VASN: variants seen among roughly 807,000 people sequenced by gnomAD.
VASN encodes the protein vasorin, also known as protein slit-like 2.
A neutral mutation model predicts 4.8 loss-of-function variants in VASN; 5 were observed. The ratio of observed to expected loss-of-function variants is 1.03; its 90% CI spans 0.54 to 2.17. The LOEUF (loss-of-function observed/expected upper bound fraction) is 2.17, where lower values mean the gene tolerates loss of function less well. Among genes scored for constraint, VASN ranks in the 30% most tolerant of loss-of-function variants. The pLI is 0.01. For synonymous variants in VASN, 499 were observed against 460.8 expected (o/e 1.08, Z -1.06); for missense variants, 927 against 948.8 (o/e 0.98, Z 0.30).
chr16:4,380,888 G>C lies in VASN; in HGVS notation c.11G>C (p.Arg4Thr), dbSNP rs917375545. 5 of 1,535,550 alleles carry C rather than the reference G, an allele frequency of 3.3e-6. No individual in the cohort carries two copies. Among genetic ancestry groups the C allele is most frequent in the Non-Finnish European group, 4.4e-6 (5 of 1,148,220 alleles). Residue 4 changes from arginine to threonine, a missense_variant, in exon 2 of 2, where the codon AGG becomes ACG. Transcript: ENST00000304735. ...TCCCAGGGACAGAAGATGTGCTCCAGGGTCCCTCTGCTGCTGCCGCTGCTC... is the reference window on the plus strand; with the variant it reads ...TCCCAGGGACAGAAGATGTGCTCCACGGTCCCTCTGCTGCTGCCGCTGCTC... MCS[R>T]VPLLLPLLLL...
chr16:4,373,784 C>T (rs2054617794), intron 1 of VASN, among the ~76,000 whole-genome samples: 1 of 152,136 alleles, frequency 6.6e-6, no homozygotes, highest in African/African-American at 2.4e-5. Flanking sequence ...CAGGGCCCTG[C>T]TGAGCCCAGG....
chr16:4,376,188 C>T (rs184654212), intron 1 of VASN, among the ~76,000 whole-genome samples: 69 of 152,336 alleles, frequency 4.5e-4, no homozygotes, highest in African/African-American at 1.3e-3. Context: ...ACCTCTCTGC[C>T]CTGCCCTTGG....
In VASN at chr16:4,382,390, G is replaced by A. The variant is rs535693665; in HGVS notation, c.1513G>A (p.Asp505Asn). The A allele has an allele frequency of 1.2e-6, 2 of 1,612,124 alleles. No individual in the cohort carries two copies. The highest frequency in any genetic ancestry group is 2.7e-5 in the African/African-American group (2 of 74,942). ...RLTYRNLSGP[D>N]KRLVTLRLPA... ...CACCTATCGCAACCTATCGGGCCCT[G>A]ATAAGCGGCTGGTGACGCTGCGACT... The change falls in exon 2 of 2, where the codon GAT becomes AAT. Residue 505 changes from aspartate to asparagine, a missense_variant. Transcript: ENST00000304735.
chr16:4,372,962 G>C (rs1042835941), intron 1 of VASN, among the ~76,000 whole-genome samples: 2 of 152,182 alleles, frequency 1.3e-5, no homozygotes, highest in Non-Finnish European at 2.9e-5. Flanking sequence ...CTCCAGGGCT[G>C]GGGATTGGAT....
chr16:4,382,912 CAG>C lies in VASN; in HGVS notation c.*14_*15del, dbSNP rs760292195. 27 of 1,489,638 alleles carry C rather than the reference CAG, an allele frequency of 1.8e-5. No homozygotes were observed. The highest frequency in any genetic ancestry group is 1.2e-4 in the Admixed American group (5 of 40,932). 92.3% of individuals were successfully genotyped at this position (1,489,638 alleles called of 1,614,324 possible). The stretch of plus-strand genomic sequence containing the variant: ...GCCCTACATCTAAGCCAGAGAGAGA[CAG>C]GGCAGCTGGGGCCGGGCTCTCAGCC... On this transcript the variant is annotated 3_prime_UTR_variant, in exon 2 of 2. Transcript: ENST00000304735.
In VASN at chr16:4,381,978, G is replaced by A. The variant is rs775506831; in HGVS notation, c.1101G>A (p.Glu367=). Reference sequence around the variant, plus strand: ...CCACCACGAGGCCCGTGGTGCGGGAGCCCACAGCCTTGTCTTCTAGCTTGG... The same window carrying A: ...CCACCACGAGGCCCGTGGTGCGGGAACCCACAGCCTTGTCTTCTAGCTTGG... The part of the protein sequence containing the change: ...TVPTTRPVVR[E]PTALSSSLAP... The change falls in exon 2 of 2, where the codon GAG becomes GAA. Residue 367 remains glutamate, a synonymous_variant. Coordinates refer to ENST00000304735, the MANE Select transcript of VASN (RefSeq NM_138440.3). The A allele has an allele frequency of 2.7e-5, 43 of 1,608,000 alleles. No homozygotes were observed. Among genetic ancestry groups the A allele is most frequent in the Non-Finnish European group, 3.6e-5 (43 of 1,178,580 alleles).
Position 4,382,858 on chromosome 16 carries a change from C to G in VASN, c.1981C>G (p.Pro661Ala). 1 of 1,577,294 alleles carries G rather than the reference C, an allele frequency of 6.3e-7. No individual in the cohort carries two copies. Among genetic ancestry groups the G allele is most frequent in the Non-Finnish European group, 8.6e-7 (1 of 1,162,966 alleles). Residue 661 changes from proline to alanine, a missense_variant, in exon 2 of 2, where the codon CCT becomes GCT. Transcript: ENST00000304735. The stretch of plus-strand genomic sequence containing the variant: ...GGTGCCACTCATGGGCTTCCCAGGG[C>G]CTGGCCTCCAGTCACCCCTCCACGC... ...CEVPLMGFPG[P>A]GLQSPLHAKP...
chr16:4,382,327 C>T lies in VASN; in HGVS notation c.1450C>T (p.Leu484Phe). The change falls in exon 2 of 2, where the codon CTC becomes TTC. Residue 484 changes from leucine (L) to phenylalanine (F), a missense_variant. Transcript: ENST00000304735. ...TSLRVGLQRY[L>F]QGSSVQLRSL... ...CCTGCGCGTGGGGCTGCAGCGCTAC[C>T]TCCAGGGGAGCTCCGTGCAGCTCAG... is the stretch of plus-strand genomic sequence containing the variant. 1 of 1,611,262 alleles carries T rather than the reference C, an allele frequency of 6.2e-7. No homozygotes were observed. The highest frequency in any genetic ancestry group is 8.5e-7 in the Non-Finnish European group (1 of 1,179,302).
rs149051303 is a variant in VASN, at chr16:4,382,773, G to T, written c.1896G>T (p.Glu632Asp). The change falls in exon 2 of 2, where the codon GAG becomes GAT. Residue 632 changes from glutamate to aspartate, a missense_variant. Transcript: ENST00000304735. ...TGGAGGGAGTGAAGGTCCCCTTGGA[G>T]CCAGGCCCGAAGGCAACAGAGGGCG... ...LELEGVKVPL[E>D]PGPKATEGGG... is the part of the protein sequence containing the mutation. 1.9e-6 allele frequency: 3 copies of T among 1,571,070 alleles called. No individual in the cohort carries two copies. Among genetic ancestry groups the T allele is most frequent in the Non-Finnish European group, 2.6e-6 (3 of 1,158,900 alleles).
chr16:4,379,880 T>TAAAAAAAAA (rs34020450), intron 1 of VASN, among the ~76,000 whole-genome samples: 1 of 109,198 alleles, frequency 9.2e-6, no homozygotes, highest in Non-Finnish European at 1.8e-5. Context: ...CTGTCTCTAC[T>TAAAAAAAAA]AAAAAAAAAA....
chr16:4,375,130 G>A (rs1051517913), intron 1 of VASN, among the ~76,000 whole-genome samples: 12 of 151,934 alleles, frequency 7.9e-5, no homozygotes, highest in Non-Finnish European at 1.5e-4. Flanking sequence ...ACGTCCCACC[G>A]CCCCAGGGGC....
intron 1 of VASN, among the ~76,000 whole-genome samples, chr16:4,376,553 A>G (rs1407512348): frequency 1.3e-5 from 2 of 152,132 alleles, no homozygotes; most frequent in East Asian, 3.8e-4. Context: ...CCCCAGAATC[A>G]GTGAGATGTT....
Position 4,381,990 on chromosome 16 carries a change from G to C in VASN, c.1113G>C (p.Leu371Phe). 6.2e-7 allele frequency: 1 copy of C among 1,607,342 alleles called. No homozygotes were observed. The change falls in exon 2 of 2, where the codon TTG becomes TTC. Residue 371 changes from leucine (L) to phenylalanine (F), a missense_variant. Transcript: ENST00000304735. ...TRPVVREPTALSSSLAPTWLS... is the reference protein window; with the variant it reads ...TRPVVREPTAFSSSLAPTWLS... ...CCGTGGTGCGGGAGCCCACAGCCTT[G>C]TCTTCTAGCTTGGCTCCTACCTGGC...
chr16:4,373,918 G>A (rs963888906), intron 1 of VASN, among the ~76,000 whole-genome samples: 2 of 152,146 alleles, frequency 1.3e-5, no homozygotes, highest in African/African-American at 4.8e-5. Flanking sequence ...TCATGGGAGG[G>A]CAGCAAGGCC....
chr16:4,382,861 G>T lies in VASN; in HGVS notation c.1984G>T (p.Gly662Cys). ...EVPLMGFPGPGLQSPLHAKPY... is the reference protein window; with the variant it reads ...EVPLMGFPGPCLQSPLHAKPY... ...GCCACTCATGGGCTTCCCAGGGCCT[G>T]GCCTCCAGTCACCCCTCCACGCAAA... The change falls in exon 2 of 2, where the codon GGC becomes TGC. Residue 662 changes from glycine (G) to cysteine (C), a missense_variant. By Grantham distance (159) the Gly-to-Cys change is radical (BLOSUM62 -3). Transcript: ENST00000304735. The T allele has an allele frequency of 6.4e-7, 1 of 1,573,118 alleles. No individual in the cohort carries two copies. Among genetic ancestry groups the T allele is most frequent in the East Asian group, 2.3e-5 (1 of 43,736 alleles).
intron 1 of VASN, among the ~76,000 whole-genome samples, chr16:4,373,553 C>T (rs549111579): frequency 2.0e-5 from 3 of 152,180 alleles, no homozygotes; most frequent in South Asian, 2.1e-4. Context: ...TGTGCTTACC[C>T]GAGGAAGGCC....
At chr16:4,378,513 G>A (rs1379299459) in intron 1 of VASN, among the ~76,000 whole-genome samples, 2 of 152,164 alleles carry the variant, frequency 1.3e-5, no homozygotes, top group Admixed American at 6.5e-5. Context: ...ACATCTGGAG[G>A]CCAGGCCGCA....
rs1307801125 is a variant in VASN at position 4,381,714 on chromosome 16, G to A, written c.837G>A (p.Leu279=). The change falls in exon 2 of 2, where the codon CTG becomes CTA. Residue 279 remains leucine (L), a synonymous_variant. Transcript: ENST00000304735. The part of the protein sequence containing the change: ...LDVSNLSLQA[L]PGDLSGLFPR... ...TGAGCAACCTAAGCCTGCAGGCCCT[G>A]CCTGGCGACCTCTCGGGCCTCTTCC... The A allele has an allele frequency of 1.2e-6, 2 of 1,607,354 alleles. No homozygotes were observed. Among genetic ancestry groups the A allele is most frequent in the Non-Finnish European group, 1.7e-6 (2 of 1,179,406 alleles).
At chr16:4,375,670 A>G (rs1189114654) in intron 1 of VASN, among the ~76,000 whole-genome samples, 1 of 152,138 alleles carries the variant, frequency 6.6e-6, no homozygotes, top group Non-Finnish European at 1.5e-5. Context: ...TTGTATTTTT[A>G]GTAGAGACGG....
Sources: allele counts gnomAD v4.1 joint callset (sites outside exome capture counted in the v4.1 genomes callset), GRCh38; gene constraint gnomAD v4.1.1; transcripts MANE v1.5; gene names NCBI Gene and HGNC (gene_info 2026-07-23, HGNC 2026-07-21).